Variants in THEMIS observed in about 807,000 individuals in gnomAD.
THEMIS encodes the protein thymocyte selection associated.
Under a neutral mutation model 52.6 loss-of-function variants are expected in THEMIS, and 37 were observed. The ratio of observed to expected loss-of-function variants is 0.70; its 90% CI spans 0.54 to 0.93. The LOEUF is 0.93. Among genes scored for constraint, THEMIS ranks in the 40% least tolerant of loss-of-function variants. THEMIS has a pLI of 0.00. For missense variants in THEMIS, 808 were observed against 763.1 expected (o/e 1.06, Z -0.69); for synonymous variants, 292 against 272.7 (o/e 1.07, Z -0.70).
chr6:127,876,587 G>C (rs1448800351), intron 1 of THEMIS, among the ~76,000 whole-genome samples: 1 of 152,134 alleles, frequency 6.6e-6, no homozygotes, highest in East Asian at 1.9e-4. Context: ...CAAATATGCA[G>C]TATTTTAAAG....
At chr6:127,870,291 A>G (rs1262728140) in intron 1 of THEMIS, among the ~76,000 whole-genome samples, 1 of 152,134 alleles carries the variant, frequency 6.6e-6, no homozygotes, top group Non-Finnish European at 1.5e-5. Flanking sequence ...GTGTCAATGA[A>G]GTCATAGTGA....
intron 4 of THEMIS, among the ~76,000 whole-genome samples, chr6:127,734,899 AT>A: frequency 9.3e-6 from 1 of 107,012 alleles, no homozygotes; most frequent in African/African-American, 4.0e-5. Context: ...AAAAAAAAAT[AT>A]ATATATATAT....
At chr6:127,750,318 TG>T (rs1460148194) in intron 4 of THEMIS, among the ~76,000 whole-genome samples, 2 of 151,606 alleles carry the variant, frequency 1.3e-5, no homozygotes, top group African/African-American at 2.4e-5. Flanking sequence ...GAGTCAGGCA[TG>T]TTTTTTTTTC....
intron 2 of THEMIS, among the ~76,000 whole-genome samples, chr6:127,841,572 A>G (rs1779048084): frequency 1.3e-5 from 2 of 152,176 alleles, no homozygotes; most frequent in South Asian, 4.1e-4. Context: ...CAGAATTCTG[A>G]TCTGATATTA....
chr6:127,862,740 A>G (rs562972271), intron 1 of THEMIS, among the ~76,000 whole-genome samples: 1 of 151,990 alleles, frequency 6.6e-6, no homozygotes, highest in Admixed American at 6.6e-5. Context: ...AATTCTATGC[A>G]TTCTACCTAA....
At chr6:127,772,073 T>A (rs1213674130) in intron 4 of THEMIS, among the ~76,000 whole-genome samples, 1 of 152,176 alleles carries the variant, frequency 6.6e-6, no homozygotes, top group Non-Finnish European at 1.5e-5. Context: ...TCTTCTAAAA[T>A]GCTTTATAGT....
At chr6:127,789,012 C>T (rs1003981592) in intron 4 of THEMIS, among the ~76,000 whole-genome samples, 22 of 151,916 alleles carry the variant, frequency 1.4e-4, no homozygotes, top group Non-Finnish European at 7.4e-5. Context: ...TAGCATAAGA[C>T]AAGAAATAAC....
intron 1 of THEMIS, among the ~76,000 whole-genome samples, chr6:127,855,433 T>C (rs1293702944): frequency 6.6e-6 from 1 of 151,950 alleles, no homozygotes; most frequent in East Asian, 1.9e-4. Context: ...GAATTTATGA[T>C]TTCCTCAGCA....
At chr6:127,804,180 C>T (rs1327549999) in intron 4 of THEMIS, among the ~76,000 whole-genome samples, 2 of 151,514 alleles carry the variant, frequency 1.3e-5, no homozygotes, top group African/African-American at 2.4e-5. Context: ...AGAAGAGCTA[C>T]CAAAAAAGAT....
chr6:127,732,983 A>G (rs1774863928), intron 4 of THEMIS, among the ~76,000 whole-genome samples: 1 of 152,176 alleles, frequency 6.6e-6, no homozygotes, highest in East Asian at 1.9e-4. Flanking sequence ...TATTCTTGCT[A>G]AGACTTGGTA....
intron 2 of THEMIS, among the ~76,000 whole-genome samples, chr6:127,833,454 T>C (rs1026796239): frequency 1.3e-5 from 2 of 152,208 alleles, no homozygotes; most frequent in African/African-American, 4.8e-5. Context: ...GTTACAATTT[T>C]TACAACTGGT....
At chr6:127,784,339 C>T (rs1379004295) in intron 4 of THEMIS, among the ~76,000 whole-genome samples, 2 of 152,026 alleles carry the variant, frequency 1.3e-5, no homozygotes, top group Non-Finnish European at 2.9e-5. Flanking sequence ...ACCTATGTAA[C>T]AAACCTGCAT....
chr6:127,789,673 C>T (rs1268726425), intron 4 of THEMIS, among the ~76,000 whole-genome samples: 1 of 152,138 alleles, frequency 6.6e-6, no homozygotes, highest in African/African-American at 2.4e-5. Context: ...AAAGCTTATC[C>T]ACCACCATCA....
At chr6:127,904,981 T>G (rs111525094), upstream of THEMIS, among the ~76,000 whole-genome samples, 2,668 of 152,170 alleles carry the variant, frequency 0.018, 82 homozygotes, top group African/African-American at 0.06. Context: ...TCTATCTATC[T>G]CTGTGTCTCT....
chr6:127,774,974 C>T (rs1776512520), intron 4 of THEMIS, among the ~76,000 whole-genome samples: 1 of 152,132 alleles, frequency 6.6e-6, no homozygotes. Context: ...AACCACAATA[C>T]ATACCTCCAC....
intron 4 of THEMIS, chr6:127,807,251 C>T (rs537145702): frequency 2.5e-5 from 5 of 200,304 alleles, no homozygotes; most frequent in South Asian, 5.7e-5. Context: ...ATCCCAGCTA[C>T]GTGGGAGGCT....
intron 4 of THEMIS, among the ~76,000 whole-genome samples, chr6:127,789,204 T>C (rs1435160928): frequency 1.3e-4 from 20 of 152,070 alleles, no homozygotes; most frequent in Admixed American, 6.5e-5. Context: ...TCTCCACTCA[T>C]CCCATAAAAA....
At chr6:127,757,189 T>C (rs538139386) in intron 4 of THEMIS, among the ~76,000 whole-genome samples, 1 of 152,328 alleles carries the variant, frequency 6.6e-6, no homozygotes, top group African/African-American at 2.4e-5. Context: ...CCCAAGTGGC[T>C]AGTGGCCGTA....
chr6:127,746,123 A>G (rs1169063728), intron 4 of THEMIS, among the ~76,000 whole-genome samples: 1 of 151,826 alleles, frequency 6.6e-6, no homozygotes, highest in Non-Finnish European at 1.5e-5. Flanking sequence ...TATTTCTTTG[A>G]CTTGTTCTAC....
Sources: allele counts gnomAD v4.1 joint callset (sites outside exome capture counted in the v4.1 genomes callset), GRCh38; gene constraint gnomAD v4.1.1; transcripts MANE v1.5; gene names NCBI Gene and HGNC (gene_info 2026-07-23, HGNC 2026-07-21).